The following ZNF280C variants were observed in gnomAD, a reference collection of about 807,000 sequenced individuals.
The protein encoded by ZNF280C is suppressor of hairy wing homolog 3.
In ZNF280C, 14 loss-of-function variants were observed where a neutral mutation model predicts 53.6. That is an observed-to-expected ratio of 0.26 (90% CI 0.17 to 0.41). The LOEUF (loss-of-function observed/expected upper bound fraction) is 0.41, where lower values mean the gene tolerates loss of function less well. Among genes scored for constraint, ZNF280C ranks in the 10% least tolerant of loss-of-function variants. The pLI, the probability that ZNF280C is intolerant of heterozygous loss-of-function variation, is 1.00. For synonymous variants in ZNF280C, 203 were observed against 181.1 expected, an observed-to-expected ratio of 1.12 and a Z score of -0.97; for missense variants, 416 against 547.1, an observed-to-expected ratio of 0.76 and a Z score of 2.39.
At position 130,204,910 on chromosome X, in the gene ZNF280C, G is replaced by C; in HGVS notation, c.*67C>G. ...GCCCTTTGTGTGAGAAAATACTTCA[G>C]AACTTTGAACTTAGGAACTTCCAAC... On this transcript the variant is annotated 3_prime_UTR_variant, in exon 19 of 19. Transcript: ENST00000370978. 1 of 997,414 alleles carries C rather than the reference G, an allele frequency of 1.0e-6. No homozygotes were observed. 82.2% of individuals were successfully genotyped at this position (997,414 alleles called of 1,213,427 possible).
In ZNF280C at chrX:130,204,751, C is replaced by A. The variant is rs985403428; in HGVS notation, c.*226G>T. ...AAACAAAAGGCATTTTTGGAGAGAGCCAACTGGAGAAAAAAATATGTTAAG... is the reference window on the plus strand; with the variant it reads ...AAACAAAAGGCATTTTTGGAGAGAGACAACTGGAGAAAAAAATATGTTAAG... On this transcript the variant is annotated 3_prime_UTR_variant, in exon 19 of 19. Transcript: ENST00000370978. 9.3e-5 allele frequency: 27 copies of A among 291,871 alleles called. No homozygotes were observed. Among genetic ancestry groups the A allele is most frequent in the Non-Finnish European group, 1.4e-4 (24 of 167,430 alleles). The allele number at this position is 291,871 out of a possible 1,213,427, so 24.1% of individuals were successfully genotyped here.
chrX:130,243,771 A>G lies in ZNF280C; in HGVS notation c.244+29T>C. The stretch of plus-strand genomic sequence containing the variant: ...CAATTATATCAAAATATTTAACTTT[A>G]AAATTGAAATACTACAGTAATACTG... On this transcript the variant is annotated intron_variant, in intron 4 of 18. Coordinates refer to ENST00000370978, the MANE Select transcript of ZNF280C (RefSeq NM_017666.5). 2.6e-6 allele frequency: 3 copies of G among 1,174,368 alleles called. No individual in the cohort carries two copies. The East Asian group carries it at 9.2e-5, about 36-fold the overall frequency.
Position 130,215,265 on chromosome X carries a change from G to A in ZNF280C, c.1907C>T (p.Ser636Phe). Residue 636 changes from serine to phenylalanine, a missense_variant, in exon 15 of 19, where the codon TCT becomes TTT. By Grantham distance (155) the Ser-to-Phe change is radical. Transcript: ENST00000370978. The part of the protein sequence containing the change: ...SKIKDFASHF[S>F]IYIHCSFCKY... ...GCAAAAACTGCAGTGGATGTATATA[G>A]AAAAGTGGCTTGCAAAATCTTTTAT... is the stretch of plus-strand genomic sequence containing the variant. 4 of 1,203,035 alleles carry A rather than the reference G, an allele frequency of 3.3e-6. No individual in the cohort carries two copies.
intron 2 of ZNF280C, among the ~76,000 whole-genome samples, chrX:130,252,549 G>A (rs767381402): frequency 9.1e-6 from 1 of 110,493 alleles, no homozygotes; most frequent in East Asian, 2.8e-4. Flanking sequence ...GTGAAACCCT[G>A]TCTCTACTAA....
At chrX:130,219,559 T>C (rs2032141126) in intron 13 of ZNF280C, among the ~76,000 whole-genome samples, 1 of 106,513 alleles carries the variant, frequency 9.4e-6, no homozygotes, top group Middle Eastern at 4.7e-3. Flanking sequence ...AGAAAGAAAT[T>C]TGTAGTCTGA....
At chrX:130,213,352 G>A (rs1311940153) in intron 15 of ZNF280C, among the ~76,000 whole-genome samples, 1 of 111,897 alleles carries the variant, frequency 8.9e-6, no homozygotes, top group Non-Finnish European at 1.9e-5. Context: ...CAGCCTGGGT[G>A]ACAGAGCAAG....
At chrX:130,266,459 ATGTAT>A (rs746422800) in intron 1 of ZNF280C, among the ~76,000 whole-genome samples, 2 of 112,032 alleles carry the variant, frequency 1.8e-5, no homozygotes, top group African/African-American at 3.2e-5. Context: ...AATACTAATA[ATGTAT>A]TGTATATTTC....
chrX:130,266,384 C>A (rs1266855861), intron 1 of ZNF280C, among the ~76,000 whole-genome samples: 6 of 111,071 alleles, frequency 5.4e-5, no homozygotes, highest in Non-Finnish European at 1.1e-4. Context: ...TCCAAGAGTA[C>A]GAAGTTTAAT....
chrX:130,230,289 T>TAA (rs944878275), intron 9 of ZNF280C, among the ~76,000 whole-genome samples: 4 of 111,609 alleles, frequency 3.6e-5, no homozygotes, highest in Non-Finnish European at 7.5e-5. Context: ...CATTTTGTCT[T>TAA]TTCTTAAGCT....
chrX:130,246,280 G>C (rs1272439765), intron 3 of ZNF280C, among the ~76,000 whole-genome samples: 12 of 112,032 alleles, frequency 1.1e-4, no homozygotes, highest in African/African-American at 3.9e-4. Context: ...AATATAAACA[G>C]TAGTTGCGGA....
intron 10 of ZNF280C, among the ~76,000 whole-genome samples, chrX:130,228,717 T>C (rs1230311774): frequency 9.7e-6 from 1 of 103,373 alleles, no homozygotes; most frequent in African/African-American, 3.5e-5. Context: ...CATAGCATTC[T>C]ATAGTACTGA....
intron 1 of ZNF280C, among the ~76,000 whole-genome samples, chrX:130,263,622 A>C: frequency 8.9e-6 from 1 of 111,793 alleles, no homozygotes; most frequent in African/African-American, 3.3e-5. Context: ...AATGTTCTAA[A>C]ATTAACTGTG....
At chrX:130,261,427 A>G (rs1365478253) in intron 1 of ZNF280C, among the ~76,000 whole-genome samples, 1 of 112,530 alleles carries the variant, frequency 8.9e-6, no homozygotes, top group East Asian at 2.8e-4. Flanking sequence ...CAGTCTCCAC[A>G]TTTGTCTTTA....
At position 130,258,726 on chromosome X, in the gene ZNF280C, G is replaced by T. The variant is rs139707195; in HGVS notation, c.31+1693C>A. ...AAATACCGCACTCATTGTGTCCTTT[G>T]AAGTCCTCATTCGTACTGCTTCTTC... On this transcript the variant is annotated intron_variant, in intron 2 of 18. Transcript: ENST00000370978. Among the ~76,000 whole-genome samples the T allele has an allele frequency of 1.9e-3, 208 of 111,952 alleles. 1 individual carries two copies. The East Asian group carries it at 0.044, about 24-fold the overall frequency.
At chrX:130,250,744 C>T (rs2032498201) in intron 2 of ZNF280C, among the ~76,000 whole-genome samples, 1 of 112,100 alleles carries the variant, frequency 8.9e-6, no homozygotes, top group South Asian at 3.7e-4. Flanking sequence ...TCCTTCCTAA[C>T]TCATTCTATG....
At chrX:130,251,289 A>AAAAAAAAAAAAAAAAAAAC (rs2032505996) in intron 2 of ZNF280C, among the ~76,000 whole-genome samples, 1 of 96,759 alleles carries the variant, frequency 1.0e-5, no homozygotes, top group African/African-American at 3.7e-5. Flanking sequence ...TCTCAAAAAA[A>AAAAAAAAAAAAAAAAAAAC]AAAAAAAAAA....
intron 1 of ZNF280C, among the ~76,000 whole-genome samples, chrX:130,263,769 G>A (rs1443953798): frequency 1.8e-5 from 2 of 111,298 alleles, no homozygotes; most frequent in Non-Finnish European, 3.8e-5. Flanking sequence ...GCTTATGCCT[G>A]TAATCCCAGC....
At chrX:130,267,482 A>G (rs1431669211) in intron 1 of ZNF280C, among the ~76,000 whole-genome samples, 1 of 111,715 alleles carries the variant, frequency 9.0e-6, no homozygotes, top group Non-Finnish European at 1.9e-5. Flanking sequence ...TCCTAGGCAC[A>G]TGACCTCGGT....
At chrX:130,260,588 A>G (rs948099917) in intron 1 of ZNF280C, 123 bp from the exon 2 acceptor site, 5 of 389,584 alleles carry the variant, frequency 1.3e-5, no homozygotes, top group Non-Finnish European at 1.7e-5. Context: ...CACACTCACC[A>G]TATGACTCCA....
Sources: allele counts gnomAD v4.1 joint callset (sites outside exome capture counted in the v4.1 genomes callset), GRCh38; gene constraint gnomAD v4.1.1; transcripts MANE v1.5; gene names NCBI Gene and HGNC (gene_info 2026-07-23, HGNC 2026-07-21).